Variants in GGTA1 observed in about 807,000 individuals in gnomAD.
The protein encoded by GGTA1 is glycoprotein alpha-galactosyltransferase 1 (inactive).
GGTA1 carries 5 observed loss-of-function variants against 2.6 expected under a neutral mutation model. That is an observed-to-expected ratio of 1.92 (90% CI 1.00 to 4.04). The LOEUF is 4.04. Ranked by LOEUF, GGTA1 falls within the 30% of genes most tolerant of loss-of-function variation. The probability of loss-of-function intolerance (pLI) is 0.00; values close to 1 mark genes in which losing one functional copy is unlikely to be tolerated. For synonymous variants in GGTA1, 17 were observed against 5.0 expected (o/e 3.38, Z -3.19); for missense variants, 50 against 16.7 (o/e 2.99, Z -3.47).
intron 1 of GGTA1, among the ~76,000 whole-genome samples, chr9:121,488,325 A>G (rs183571588): frequency 2.0e-5 from 3 of 152,180 alleles, no homozygotes; most frequent in Admixed American, 6.5e-5. Flanking sequence ...CATTTAATCA[A>G]TTCATGTTCA....
intron 1 of GGTA1, among the ~76,000 whole-genome samples, chr9:121,488,261 C>T (rs973566697): frequency 1.1e-4 from 17 of 152,258 alleles, no homozygotes; most frequent in South Asian, 2.1e-4. Flanking sequence ...GCAATCCTCC[C>T]GCCTTAGCCT....
At chr9:121,462,530 A>G (rs757930609) in intron 3 of GGTA1, 2 of 152,240 alleles carry the variant, frequency 1.3e-5, no homozygotes, top group Admixed American at 6.5e-5. Flanking sequence ...ATAAACAGAA[A>G]AACAACACAA....
At chr9:121,472,146 C>G (rs1401716358) in intron 1 of GGTA1, among the ~76,000 whole-genome samples, 1 of 152,148 alleles carries the variant, frequency 6.6e-6, no homozygotes, top group Non-Finnish European at 1.5e-5. Flanking sequence ...AATCTTTATC[C>G]CACTGAGTGA....
chr9:121,476,882 G>C lies in GGTA1; in HGVS notation c.-9-8951C>G, dbSNP rs1189942370. 3.3e-5 allele frequency among the ~76,000 whole-genome samples: 5 copies of C among 152,144 alleles called. No homozygotes were observed. The East Asian group carries it at 9.6e-4, about 29-fold the overall frequency. On this transcript the variant is annotated intron_variant, in intron 1 of 5. Coordinates refer to ENST00000481799, the MANE Select transcript of GGTA1 (RefSeq NM_001382585.1). This position sits in a 1 kb window ranked among gnomAD's most constrained non-coding sequence, Gnocchi z 4.6. ...GGGAGAGTCACTCTCTAGCCTCAGT[G>C]CCTGTCCAGGGGCTGCAGGCTGAGC...
intron 7 of GGTA1, among the ~76,000 whole-genome samples, chr9:121,448,174 C>A (rs1021318404): frequency 6.6e-6 from 1 of 152,146 alleles, no homozygotes; most frequent in African/African-American, 2.4e-5. Context: ...CCTTCCTTAC[C>A]CCTTTGTCCA....
chr9:121,470,586 CTT>C (rs1247077675), intron 1 of GGTA1, among the ~76,000 whole-genome samples: 2 of 152,200 alleles, frequency 1.3e-5, no homozygotes, highest in Non-Finnish European at 2.9e-5. Flanking sequence ...CTGTAACTGT[CTT>C]TGCAAAATTA....
At chr9:121,464,924 T>C (rs2064991396) in intron 2 of GGTA1, among the ~76,000 whole-genome samples, 1 of 151,932 alleles carries the variant, frequency 6.6e-6, no homozygotes, top group Non-Finnish European at 1.5e-5. Context: ...TAGTGCTGCC[T>C]ACCTGTGTAA....
intron 1 of GGTA1, among the ~76,000 whole-genome samples, chr9:121,495,204 G>C (rs913485014): frequency 6.6e-6 from 1 of 151,962 alleles, no homozygotes; most frequent in African/African-American, 2.4e-5. Context: ...ACAGGTGTGA[G>C]CCACCACACC....
intron 1 of GGTA1, among the ~76,000 whole-genome samples, chr9:121,493,435 G>C (rs977548239): frequency 1.3e-5 from 2 of 152,044 alleles, no homozygotes; most frequent in African/African-American, 4.8e-5. Context: ...AAAACTCTAA[G>C]CCTCAGTTTC....
At chr9:121,479,188 G>A (rs1225638050) in intron 1 of GGTA1, 1 of 441,954 alleles carries the variant, frequency 2.3e-6, no homozygotes, top group South Asian at 1.6e-5. Context: ...CGTGACCCCA[G>A]CATGGCAGAA....
chr9:121,453,697 G>A (rs969569871), downstream of GGTA1, among the ~76,000 whole-genome samples: 3 of 152,216 alleles, frequency 2.0e-5, no homozygotes, highest in East Asian at 3.8e-4. Context: ...CTGCACTGCC[G>A]TGGTCCTGGT....
downstream of GGTA1, among the ~76,000 whole-genome samples, chr9:121,451,730 A>G (rs1374919107): frequency 1.3e-5 from 2 of 152,210 alleles, no homozygotes; most frequent in African/African-American, 4.8e-5. Flanking sequence ...AGAACTTGCT[A>G]TAAATCTCTC....
intron 1 of GGTA1, among the ~76,000 whole-genome samples, chr9:121,486,328 G>C (rs1324077005): frequency 2.6e-5 from 4 of 152,220 alleles, no homozygotes; most frequent in African/African-American, 9.6e-5. Context: ...CCTACACCAC[G>C]CCCACGTGGG....
In GGTA1 at chr9:121,462,185, C is replaced by T. The variant is rs759610552; in HGVS notation, c.117-868G>A. 5.3e-5 allele frequency among the ~76,000 whole-genome samples: 8 copies of T among 152,036 alleles called. 1 individual carries two copies. The highest frequency in any genetic ancestry group is 1.3e-4 in the Admixed American group (2 of 15,268). ...CCAAAAACACAAAAAATTAGCCGGG[C>T]GTGGTGGCAGGTGCCTATAATCCCA... On this transcript the variant is annotated intron_variant, in intron 3 of 5. Transcript: ENST00000481799.
intron 1 of GGTA1, among the ~76,000 whole-genome samples, chr9:121,482,912 C>T (rs190293841): frequency 1.3e-3 from 202 of 152,192 alleles, no homozygotes; most frequent in Middle Eastern, 3.4e-3. Flanking sequence ...GATCGCTCCA[C>T]TGCACTCCAG....
intron 2 of GGTA1, among the ~76,000 whole-genome samples, chr9:121,467,321 C>T (rs1028258976): frequency 6.8e-6 from 1 of 147,466 alleles, no homozygotes; most frequent in African/African-American, 2.7e-5. Context: ...AAGTTAAACA[C>T]ACACACACAC....
At chr9:121,469,997 C>T (rs1564653882) in intron 1 of GGTA1, among the ~76,000 whole-genome samples, 1 of 152,216 alleles carries the variant, frequency 6.6e-6, no homozygotes, top group Non-Finnish European at 1.5e-5. Flanking sequence ...CTTCCCCTTG[C>T]TGCCTGTCTT....
At chr9:121,480,061 C>CTTTTCTTTTCTTTTCTTTTTTTTTT (rs58602847) in intron 1 of GGTA1, among the ~76,000 whole-genome samples, 1 of 139,828 alleles carries the variant, frequency 7.2e-6, no homozygotes, top group Non-Finnish European at 1.5e-5. Flanking sequence ...CTTTTCTTTT[C>CTTTTCTTTTCTTTTCTTTTTTTTTT]TTTTTTTTTT....
At chr9:121,492,569 G>A (rs966077042) in intron 1 of GGTA1, among the ~76,000 whole-genome samples, 9 of 152,136 alleles carry the variant, frequency 5.9e-5, no homozygotes, top group Non-Finnish European at 1.3e-4. Flanking sequence ...CACGTCCCGG[G>A]TTCAAGTGAT....
Sources: allele counts gnomAD v4.1 joint callset (sites outside exome capture counted in the v4.1 genomes callset), GRCh38; gene constraint gnomAD v4.1.1; non-coding constraint Gnocchi (gnomAD v3.1); transcripts MANE v1.5; gene names NCBI Gene and HGNC (gene_info 2026-07-23, HGNC 2026-07-21).